LARGE1: variants seen among roughly 807,000 people sequenced by gnomAD.
LARGE1 encodes the protein xylosyl- and glucuronyltransferase LARGE1.
A neutral mutation model predicts 87.6 loss-of-function variants in LARGE1; 43 were observed. That is an observed-to-expected ratio of 0.49 (90% CI 0.38 to 0.63). The LOEUF (loss-of-function observed/expected upper bound fraction) is 0.63, where lower values mean the gene tolerates loss of function less well. Ranked by LOEUF, LARGE1 falls within the 30% of genes least tolerant of loss-of-function variation. The pLI is 0.00. For synonymous variants in LARGE1, 434 were observed against 394.6 expected, an observed-to-expected ratio of 1.10 and a Z score of -1.18; for missense variants, 802 against 1,000.2, an observed-to-expected ratio of 0.80 and a Z score of 2.67.
chr22:33,255,016 C>T (rs1927190302), intron 11 of LARGE1, among the ~76,000 whole-genome samples: 1 of 150,542 alleles, frequency 6.6e-6, no homozygotes, highest in Admixed American at 6.6e-5. Flanking sequence ...CTGCTCACTG[C>T]AACCTCCGCC....
At position 33,915,042 on chromosome 22, in the gene LARGE1, C is replaced by CACACACACAG. The variant is rs144076486; in HGVS notation, c.-83+4952_-83+4953insCTGTGTGTGT. Among the ~76,000 whole-genome samples, 348 of 137,078 alleles carry CACACACACAG rather than the reference C, an allele frequency of 2.5e-3. 3 individuals are homozygous for CACACACACAG. Among genetic ancestry groups the CACACACACAG allele is most frequent in the Non-Finnish European group, 2.1e-3 (138 of 64,264 alleles). The allele number at this position is 137,078 out of a possible 152,430, so 89.9% of individuals were successfully genotyped here. A position where few individuals can be genotyped will look rare whatever the true frequency, so the allele number is the denominator to read the frequency against. On this transcript the variant is annotated intron_variant, in intron 1 of 14. Transcript: ENST00000397394. ...ACACACACACACACACACACACACACAGAGAGAGAGAGAGAGAGAGAGGCT... is the reference window on the plus strand; with the variant it reads ...ACACACACACACACACACACACACACACACACACAGAGAGAGAGAGAGAGAGAGAGAGGCT...
intron 3 of LARGE1, among the ~76,000 whole-genome samples, chr22:33,647,342 T>C (rs1403427202): frequency 6.6e-6 from 1 of 152,216 alleles, no homozygotes; most frequent in African/African-American, 2.4e-5. Context: ...AGGGTATCCC[T>C]GTAACTAAGT....
At chr22:33,778,516 T>C (rs1219911330) in intron 1 of LARGE1, among the ~76,000 whole-genome samples, 1 of 152,214 alleles carries the variant, frequency 6.6e-6, no homozygotes, top group African/African-American at 2.4e-5. Context: ...ACATCTGCTT[T>C]CTGCCTCTAC....
At chr22:33,745,763 CA>C (rs2084057326) in intron 2 of LARGE1, among the ~76,000 whole-genome samples, 1 of 152,074 alleles carries the variant, frequency 6.6e-6, no homozygotes, top group African/African-American at 2.4e-5. Flanking sequence ...AAAGAAAATG[CA>C]TGGCTTGAAA....
intron 9 of LARGE1, among the ~76,000 whole-genome samples, chr22:33,379,687 G>A (rs1272146232): frequency 6.6e-6 from 1 of 152,168 alleles, no homozygotes. Flanking sequence ...ATCATTCTGA[G>A]CAAACAATTG....
At chr22:33,363,702 A>C (rs1224684066) in intron 9 of LARGE1, among the ~76,000 whole-genome samples, 2 of 149,990 alleles carry the variant, frequency 1.3e-5, no homozygotes, top group African/African-American at 4.9e-5. Context: ...AATAACAATA[A>C]ATTATAATAA....
At chr22:33,850,099 T>C (rs1221801079) in intron 1 of LARGE1, among the ~76,000 whole-genome samples, 1 of 152,138 alleles carries the variant, frequency 6.6e-6, no homozygotes, top group Non-Finnish European at 1.5e-5. Flanking sequence ...CATACTTCTG[T>C]TGCAGAAACT....
chr22:33,846,898 G>A (rs1329930637), intron 1 of LARGE1, among the ~76,000 whole-genome samples: 1 of 152,148 alleles, frequency 6.6e-6, no homozygotes, highest in African/African-American at 2.4e-5. Context: ...AACTTCATTA[G>A]CAATTTTAAT....
At chr22:33,077,962 G>T in the LARGE1 span, among the ~76,000 whole-genome samples, 1 of 150,778 alleles carries the variant, frequency 6.6e-6, no homozygotes, top group Non-Finnish European at 1.5e-5. Context: ...TTCAAAACTA[G>T]TCTCCTTTTG....
At chr22:33,743,874 C>T (rs1405473492) in intron 2 of LARGE1, 2 of 152,198 alleles carry the variant, frequency 1.3e-5, no homozygotes, top group South Asian at 2.1e-4. Flanking sequence ...AGACAGATAA[C>T]GTTAGCCCAG....
the LARGE1 span, among the ~76,000 whole-genome samples, chr22:33,106,486 G>A: frequency 1.5e-4 from 23 of 150,468 alleles, no homozygotes; most frequent in Admixed American, 4.7e-4. Context: ...TGCAGTTTTC[G>A]CCATTCCTTT....
intron 1 of LARGE1, among the ~76,000 whole-genome samples, chr22:33,767,195 GCCTGTAAT>G (rs2084934411): frequency 6.6e-6 from 1 of 150,770 alleles, no homozygotes; most frequent in South Asian, 2.1e-4. Context: ...GGTGGTGCAT[GCCTGTAAT>G]CCCAGCTACT....
chr22:33,481,547 A>G (rs2069328481), intron 6 of LARGE1, among the ~76,000 whole-genome samples: 1 of 152,162 alleles, frequency 6.6e-6, no homozygotes, highest in South Asian at 2.1e-4. Context: ...CATGCACCCT[A>G]TGAATTTTTC....
upstream of LARGE1, chr22:33,922,804 C>G (rs2065980945): frequency 6.6e-6 from 1 of 152,252 alleles, no homozygotes; most frequent in Admixed American, 6.5e-5. Flanking sequence ...CTTCCTCTGA[C>G]GTGCAGCTCT....
intron 1 of LARGE1, among the ~76,000 whole-genome samples, chr22:33,774,089 A>AGGG (rs2085155638): frequency 6.9e-6 from 1 of 144,902 alleles, no homozygotes; most frequent in Non-Finnish European, 1.5e-5. Context: ...GTGGGGGTGG[A>AGGG]GGGGCGGATG....
At chr22:33,809,228 C>A (rs188413984) in intron 1 of LARGE1, among the ~76,000 whole-genome samples, 1 of 151,384 alleles carries the variant, frequency 6.6e-6, no homozygotes, top group Non-Finnish European at 1.5e-5. Flanking sequence ...GCCGAGATTG[C>A]GCCACTGCAC....
chr22:33,766,132 G>A (rs1194689301), intron 1 of LARGE1, among the ~76,000 whole-genome samples: 4 of 152,146 alleles, frequency 2.6e-5, no homozygotes, highest in Non-Finnish European at 5.9e-5. Flanking sequence ...GAGGTGGGCT[G>A]GAAATTACAT....
intron 1 of LARGE1, among the ~76,000 whole-genome samples, chr22:33,853,170 AC>A (rs1384021626): frequency 2.0e-5 from 3 of 152,168 alleles, no homozygotes; most frequent in African/African-American, 7.2e-5. Flanking sequence ...AGGTCTAGGA[AC>A]TTGTCCGAGA....
intron 6 of LARGE1, among the ~76,000 whole-genome samples, chr22:33,519,184 G>A (rs2071446813): frequency 1.3e-5 from 2 of 152,108 alleles, no homozygotes; most frequent in African/African-American, 4.8e-5. Flanking sequence ...CTGACTCACT[G>A]CAATGATCTC....
Sources: allele counts gnomAD v4.1 joint callset (sites outside exome capture counted in the v4.1 genomes callset), GRCh38; gene constraint gnomAD v4.1.1; transcripts MANE v1.5; gene names NCBI Gene and HGNC (gene_info 2026-07-23, HGNC 2026-07-21).